PITPNC1: variants seen among roughly 807,000 people sequenced by gnomAD.
PITPNC1 encodes cytoplasmic phosphatidylinositol transfer protein 1.
A neutral mutation model predicts 44.7 loss-of-function variants in PITPNC1; 18 were observed. The ratio of observed to expected loss-of-function variants is 0.40; its 90% CI spans 0.28 to 0.60. The LOEUF is 0.60. Ranked by LOEUF, PITPNC1 falls within the 20% of genes least tolerant of loss-of-function variation. The pLI is 0.39. For synonymous variants in PITPNC1, 141 were observed against 149.6 expected (o/e 0.94, Z 0.42); for missense variants, 290 against 418.4 (o/e 0.69, Z 2.68).
At chr17:67,632,063 T>G in intron 5 of PITPNC1, 80 bp from the exon 6 acceptor site, 1 of 811,822 alleles carries the variant, frequency 1.2e-6, no homozygotes, top group Non-Finnish European at 2.2e-6. Context: ...ATGCTCTGTG[T>G]GGGGGTTATT....
At chr17:67,618,422 T>C (rs971278310) in intron 5 of PITPNC1, among the ~76,000 whole-genome samples, 1 of 151,426 alleles carries the variant, frequency 6.6e-6, no homozygotes, top group African/African-American at 2.4e-5. Context: ...TGCCAGTTTC[T>C]TCCTTGTATT....
At chr17:67,606,439 G>C (rs1303304746) in intron 5 of PITPNC1, among the ~76,000 whole-genome samples, 1 of 152,246 alleles carries the variant, frequency 6.6e-6, no homozygotes, top group South Asian at 2.1e-4. Context: ...GTGAAGTTTC[G>C]CACTGAAAAC....
In PITPNC1 at chr17:67,497,529, C is replaced by T. The variant is rs200185291; in HGVS notation, c.49-35273C>T. Among the ~76,000 whole-genome samples, 154 of 87,404 alleles carry T rather than the reference C, an allele frequency of 1.8e-3. 1 individual carries two copies. The highest frequency in any genetic ancestry group is 2.8e-3 in the South Asian group (6 of 2,110). 57.3% of individuals were successfully genotyped at this position (87,404 alleles called of 152,430 possible). Reference sequence around the variant, plus strand: ...TGTGTCTCCATAAACTTGTTCGTGTCTTTTTTTTTTTTTTTTTTTTGAGAT... The same window carrying T: ...TGTGTCTCCATAAACTTGTTCGTGTTTTTTTTTTTTTTTTTTTTTTGAGAT... On this transcript the variant is annotated intron_variant, in intron 1 of 8. Coordinates refer to ENST00000581322, the MANE Select transcript of PITPNC1 (RefSeq NM_012417.4).
intron 2 of PITPNC1, among the ~76,000 whole-genome samples, chr17:67,545,127 C>T (rs140269216): frequency 0.01 from 1,536 of 151,858 alleles, 19 homozygotes; most frequent in African/African-American, 0.035. Flanking sequence ...GCCTGGGCAA[C>T]ATAGTGGGAC....
chr17:67,524,713 A>G (rs555161096), intron 1 of PITPNC1: 4 of 151,840 alleles, frequency 2.6e-5, no homozygotes, highest in South Asian at 2.1e-4. Flanking sequence ...GTAGATTCAC[A>G]TACCCAAAGT....
intron 1 of PITPNC1, among the ~76,000 whole-genome samples, chr17:67,497,779 C>A (rs1353251763): frequency 6.6e-6 from 1 of 151,442 alleles, no homozygotes; most frequent in Admixed American, 6.6e-5. Flanking sequence ...CTGCCTGCCT[C>A]GGCCTCCCAA....
chr17:67,524,043 C>T (rs2040364303), intron 1 of PITPNC1, among the ~76,000 whole-genome samples: 1 of 152,000 alleles, frequency 6.6e-6, no homozygotes, highest in African/African-American at 2.4e-5. Flanking sequence ...AACTCCTGAC[C>T]TCGTGATCCA....
intron 1 of PITPNC1, among the ~76,000 whole-genome samples, chr17:67,474,815 C>T (rs76350397): frequency 0.048 from 7,327 of 151,740 alleles, 242 homozygotes; most frequent in Middle Eastern, 0.11. Flanking sequence ...CCACCATGCC[C>T]GGCGGCTTTT....
chr17:67,656,547 G>A (rs1201163389), intron 6 of PITPNC1, among the ~76,000 whole-genome samples: 2 of 152,110 alleles, frequency 1.3e-5, no homozygotes, highest in Non-Finnish European at 2.9e-5. Flanking sequence ...TTAAGACCTG[G>A]ACATATTTTT....
At chr17:67,613,528 C>T in intron 5 of PITPNC1, 1 of 152,166 alleles carries the variant, frequency 6.6e-6, no homozygotes. Context: ...ATTTATGTTA[C>T]AGCCATATAT....
intron 1 of PITPNC1, among the ~76,000 whole-genome samples, chr17:67,496,264 G>A (rs1182514803): frequency 2.0e-5 from 3 of 152,122 alleles, no homozygotes; most frequent in Non-Finnish European, 2.9e-5. Context: ...CCCTGTTATC[G>A]TTCTTCATTT....
chr17:67,467,523 G>A lies in PITPNC1; in HGVS notation c.49-65279G>A, dbSNP rs569732406. Among the ~76,000 whole-genome samples the A allele has an allele frequency of 8.5e-4, 130 of 152,284 alleles. 1 individual carries two copies. Among genetic ancestry groups the A allele is most frequent in the African/African-American group, 3.0e-3 (123 of 41,546 alleles). ...TAGGCTTTTGAAGTGGCCTTGCTTG[G>A]TGATTGAGTGGCTCTCGCAAAATTC... On this transcript the variant is annotated intron_variant, in intron 1 of 8. Coordinates refer to ENST00000581322, the MANE Select transcript of PITPNC1 (RefSeq NM_012417.4).
rs1186325070 is a variant in PITPNC1, at chr17:67,597,414, C to A, written c.366+19157C>A. Among the ~76,000 whole-genome samples the A allele has an allele frequency of 6.6e-6, 1 of 151,980 alleles. No individual in the cohort carries two copies. Among genetic ancestry groups the A allele is most frequent in the African/African-American group, 2.4e-5 (1 of 41,384 alleles). On this transcript the variant is annotated intron_variant, in intron 5 of 8. Coordinates refer to ENST00000581322, the MANE Select transcript of PITPNC1 (RefSeq NM_012417.4). This position sits in a 1 kb window ranked among gnomAD's most constrained non-coding sequence, Gnocchi z 4.0. The stretch of plus-strand genomic sequence containing the variant: ...ACTAAAAATACAAAAATTAGCCAGG[C>A]GCGGTGGCACACACCTGTAATCACA...
At chr17:67,533,006 G>T in intron 2 of PITPNC1, 56 bp downstream of exon 2, 3 of 1,442,108 alleles carry the variant, frequency 2.1e-6, no homozygotes, top group Non-Finnish European at 2.9e-6. Context: ...TGACCCCATG[G>T]TGTGACAGTG....
intron 1 of PITPNC1, among the ~76,000 whole-genome samples, chr17:67,523,813 T>C (rs887011777): frequency 2.7e-5 from 4 of 147,476 alleles, no homozygotes; most frequent in African/African-American, 7.5e-5. Flanking sequence ...AACCGTTTTT[T>C]TTTTTTTTTT....
intron 1 of PITPNC1, among the ~76,000 whole-genome samples, chr17:67,454,642 C>G (rs1004468100): frequency 6.6e-6 from 1 of 151,810 alleles, no homozygotes; most frequent in Non-Finnish European, 1.5e-5. Context: ...TGCTTTTTTC[C>G]TAATTGCAAA....
intron 1 of PITPNC1, among the ~76,000 whole-genome samples, chr17:67,487,616 A>G (rs187837485): frequency 1.3e-5 from 2 of 152,318 alleles, no homozygotes; most frequent in East Asian, 3.9e-4. Context: ...CTGTTGAATG[A>G]TTGACTTCTC....
intron 1 of PITPNC1, among the ~76,000 whole-genome samples, chr17:67,408,041 C>T (rs1237943066): frequency 6.6e-6 from 1 of 151,792 alleles, no homozygotes; most frequent in East Asian, 2.0e-4. Context: ...ACGCAACCTC[C>T]GCCTCCCCAG....
chr17:67,540,105 A>G (rs541555247), intron 2 of PITPNC1, among the ~76,000 whole-genome samples: 3 of 110,524 alleles, frequency 2.7e-5, no homozygotes, highest in African/African-American at 1.1e-4. Flanking sequence ...ATTTTATTTT[A>G]TTTTATTTAT....
Sources: allele counts gnomAD v4.1 joint callset (sites outside exome capture counted in the v4.1 genomes callset), GRCh38; gene constraint gnomAD v4.1.1; non-coding constraint Gnocchi (gnomAD v3.1); transcripts MANE v1.5; gene names NCBI Gene and HGNC (gene_info 2026-07-23, HGNC 2026-07-21).